Variants in TOPBP1 observed in about 807,000 individuals in gnomAD.
TOPBP1 encodes DNA topoisomerase II binding protein 1.
In TOPBP1, 28 loss-of-function variants were observed where a neutral mutation model predicts 167.7. The observed-to-expected ratio is 0.17, with a 90% CI of 0.12 to 0.23. The LOEUF is 0.23. Among genes scored for constraint, TOPBP1 ranks in the 10% least tolerant of loss-of-function variants. The probability of loss-of-function intolerance (pLI) is 1.00; values close to 1 mark genes in which losing one functional copy is unlikely to be tolerated. For synonymous variants in TOPBP1, 598 were observed against 611.4 expected, an observed-to-expected ratio of 0.98 and a Z score of 0.32; for missense variants, 1,554 against 1,809.6, an observed-to-expected ratio of 0.86 and a Z score of 2.56.
intron 27 of TOPBP1, among the ~76,000 whole-genome samples, chr3:133,605,900 A>G (rs1934476722): frequency 6.6e-6 from 1 of 152,210 alleles, no homozygotes; most frequent in South Asian, 2.1e-4. Flanking sequence ...ATCATAGGGT[A>G]TAAAAGACTG....
intron 5 of TOPBP1, among the ~76,000 whole-genome samples, chr3:133,655,695 T>C (rs1037301437): frequency 1.3e-5 from 2 of 152,196 alleles, no homozygotes; most frequent in Admixed American, 6.5e-5. Flanking sequence ...AGATACAGTC[T>C]CTCAAAACCA....
chr3:133,660,837 GATAA>G (rs1936679148), intron 2 of TOPBP1, among the ~76,000 whole-genome samples: 1 of 152,108 alleles, frequency 6.6e-6, no homozygotes, highest in African/African-American at 2.4e-5. Context: ...ACAGCAATGT[GATAA>G]TAGACTTCCA....
Position 133,628,654 on chromosome 3 carries a change from A to G in TOPBP1, c.2600T>C (p.Ile867Thr), listed in dbSNP as rs200280713. 1.9e-6 allele frequency: 3 copies of G among 1,588,346 alleles called. No homozygotes were observed. The highest frequency in any genetic ancestry group is 1.1e-5 in the South Asian group (1 of 87,166). The change falls in exon 15 of 28, where the codon ATT becomes ACT. Residue 867 changes from isoleucine to threonine, a missense_variant. Physicochemically the swap from Ile to Thr is moderately conservative, Grantham distance 89. Coordinates refer to ENST00000260810, the MANE Select transcript of TOPBP1 (RefSeq NM_007027.4). ...RKPSTPLSEV[I>T]VKNLQLALAN... ...CAAAGCAAGTTGCAAGTTTTTGACA[A>G]TAACTTCTGAGAGTGGCGTACTCGG... is the stretch of plus-strand genomic sequence containing the variant.
intron 19 of TOPBP1, 39 bp from the exon 20 acceptor site, chr3:133,620,386 C>G: frequency 6.3e-7 from 1 of 1,581,118 alleles, no homozygotes; most frequent in Non-Finnish European, 8.6e-7. Context: ...AGGTAAGTTC[C>G]TCTTTTTTAC....
chr3:133,654,998 T>C (rs546206591), intron 6 of TOPBP1, among the ~76,000 whole-genome samples: 1 of 152,146 alleles, frequency 6.6e-6, no homozygotes, highest in South Asian at 2.1e-4. Context: ...TCAATTGAGG[T>C]CAGTTAGAGA....
At chr3:133,628,811 A>C in intron 14 of TOPBP1, 78 bp from the exon 15 acceptor site, 1 of 1,436,086 alleles carries the variant, frequency 7.0e-7, no homozygotes, top group Non-Finnish European at 9.4e-7. Context: ...TAGGACAGGA[A>C]AAAGAAAGAG....
rs1485198582 is a variant in TOPBP1 at position 133,600,870 on chromosome 3, CA to C, written c.*379del. 6.0e-6 allele frequency: 1 copy of C among 166,848 alleles called. No individual in the cohort carries two copies. Among genetic ancestry groups the C allele is most frequent in the Non-Finnish European group, 1.3e-5 (1 of 78,392 alleles). The allele number at this position is 166,848 out of a possible 1,614,324, so 10.3% of individuals were successfully genotyped here. ...GAAAACATGAATAAATGCTGACTGACAAATCTTGTTGTTATGAATTTGTAAG... is the reference window on the plus strand; with the variant it reads ...GAAAACATGAATAAATGCTGACTGACAATCTTGTTGTTATGAATTTGTAAG... On this transcript the variant is annotated 3_prime_UTR_variant, in exon 28 of 28. Transcript: ENST00000260810.
intron 14 of TOPBP1, among the ~76,000 whole-genome samples, chr3:133,632,830 C>T (rs1182615897): frequency 2.0e-5 from 3 of 152,048 alleles, no homozygotes; most frequent in East Asian, 1.9e-4. Flanking sequence ...TGGAGTACAG[C>T]GGCATGATCA....
At chr3:133,642,515 G>A (rs557072484) in intron 12 of TOPBP1, among the ~76,000 whole-genome samples, 41 of 152,210 alleles carry the variant, frequency 2.7e-4, no homozygotes, top group Non-Finnish European at 4.6e-4. Context: ...ATAGTTTAAC[G>A]TGTTATTCTG....
rs572693458 is a variant in TOPBP1 at position 133,635,164 on chromosome 3, C to T, written c.2520+2712G>A. Among the ~76,000 whole-genome samples, 4 of 152,232 alleles carry T rather than the reference C, an allele frequency of 2.6e-5. No individual in the cohort carries two copies. The East Asian group carries it at 7.7e-4, about 29-fold the overall frequency. On this transcript the variant is annotated intron_variant, in intron 14 of 27. Transcript: ENST00000260810. ...AGATGTGGGGTCTCACCATGTTGCC[C>T]AGGCTGGTGTCCAACTCCTTGCCTC... is the stretch of plus-strand genomic sequence containing the variant.
rs1344111156 is a variant in TOPBP1, at chr3:133,638,079, G to A, written c.2317C>T (p.His773Tyr). 4 of 1,613,864 alleles carry A rather than the reference G, an allele frequency of 2.5e-6. No individual in the cohort carries two copies. Among genetic ancestry groups the A allele is most frequent in the African/African-American group, 1.3e-5 (1 of 74,926 alleles). ...AEHPGTRLQT[H>Y]RKTVVTPLDM... ...AAAGGTGTAACGACGGTTTTTCTGT[G>A]AGTTTGCAGGCGTGTGCCAGGATGC... The change falls in exon 14 of 28, where the codon CAC becomes TAC. Residue 773 changes from histidine to tyrosine, a missense_variant. His to Tyr is a moderately conservative substitution (Grantham distance 83, BLOSUM62 2). Transcript: ENST00000260810.
At chr3:133,613,982 G>C (rs772039037) in intron 23 of TOPBP1, among the ~76,000 whole-genome samples, 34 of 151,632 alleles carry the variant, frequency 2.2e-4, no homozygotes, top group Non-Finnish European at 4.9e-4. Flanking sequence ...TAGTAGAGAC[G>C]GGGTTTCACC....
In TOPBP1 at chr3:133,616,851, T is replaced by C. The variant is rs768746826; in HGVS notation, c.3834A>G (p.Gln1278=). Residue 1278 remains glutamine (Q), a synonymous_variant, in exon 23 of 28, where the codon CAA becomes CAG. Transcript: ENST00000260810. ...YIFQLSSLNP[Q]ERIDYCHLIE... is the part of the protein sequence containing the mutation. ...TCAGATGACAATAGTCAATACGTTCTTGAGGATTCAGAGATGATAACTGAA... is the reference window on the plus strand; with the variant it reads ...TCAGATGACAATAGTCAATACGTTCCTGAGGATTCAGAGATGATAACTGAA... 29 of 1,558,078 alleles carry C rather than the reference T, an allele frequency of 1.9e-5. No homozygotes were observed. In the Middle Eastern group the frequency reaches 1.5e-3, roughly 81 times the overall value.
At chr3:133,616,627 A>G (rs1048546035) in intron 23 of TOPBP1, among the ~76,000 whole-genome samples, 187 bp downstream of exon 23, 2 of 152,226 alleles carry the variant, frequency 1.3e-5, no homozygotes, top group Non-Finnish European at 2.9e-5. Context: ...AAATCCCATG[A>G]TCTACTGACT....
chr3:133,658,047 A>G, intron 3 of TOPBP1, 106 bp from the exon 4 acceptor site: 1 of 868,150 alleles, frequency 1.2e-6, no homozygotes, highest in Non-Finnish European at 1.6e-6. Flanking sequence ...GTTGATGACC[A>G]CTGTAGAGAA....
Position 133,601,389 on chromosome 3 carries a change from G to A in TOPBP1, c.4430C>T (p.Ser1477Leu). 1.3e-6 allele frequency: 2 copies of A among 1,516,714 alleles called. No individual in the cohort carries two copies. The highest frequency in any genetic ancestry group is 1.8e-6 in the Non-Finnish European group (2 of 1,130,398). 94.0% of individuals were successfully genotyped at this position (1,516,714 alleles called of 1,614,324 possible). Residue 1477 changes from serine (S) to leucine (L), a missense_variant, in exon 28 of 28, where the codon TCA (serine) becomes TTA (leucine). By Grantham distance (145) the Ser-to-Leu change is moderately radical (BLOSUM62 -2). Transcript: ENST00000260810. ...ACAGTAATTTTCTACATGAGGAGGT[G>A]ATTCCTATAAAAGGAAAAATAAGTG... ...EYIADYLMQE[S>L]PPHVENYCLP...
At chr3:133,622,349 GC>G (rs1935122042) in intron 19 of TOPBP1, among the ~76,000 whole-genome samples, 1 of 151,650 alleles carries the variant, frequency 6.6e-6, no homozygotes, top group Non-Finnish European at 1.5e-5. Context: ...CAACCACCAT[GC>G]CCGGCTAATT....
At chr3:133,643,839 C>T (rs769874652) in intron 11 of TOPBP1, among the ~76,000 whole-genome samples, 181 bp downstream of exon 11, 26 of 152,138 alleles carry the variant, frequency 1.7e-4, no homozygotes, top group African/African-American at 6.3e-4. Context: ...TCTACTGTAT[C>T]GGGATTAGGC....
intron 14 of TOPBP1, among the ~76,000 whole-genome samples, chr3:133,634,739 C>T (rs1935610598): frequency 6.6e-6 from 1 of 151,962 alleles, no homozygotes; most frequent in East Asian, 1.9e-4. Flanking sequence ...AGAAGCAAGG[C>T]CACAGTAAAA....
Sources: allele counts gnomAD v4.1 joint callset (sites outside exome capture counted in the v4.1 genomes callset), GRCh38; gene constraint gnomAD v4.1.1; transcripts MANE v1.5; gene names NCBI Gene and HGNC (gene_info 2026-07-23, HGNC 2026-07-21).